INSR: variants seen among roughly 807,000 people sequenced by gnomAD.
INSR encodes the protein IR.
A neutral mutation model predicts 142.6 loss-of-function variants in INSR; 67 were observed. The observed-to-expected ratio is 0.47, with a 90% CI of 0.39 to 0.58. INSR has a LOEUF of 0.58. Ranked by LOEUF, INSR falls within the 20% of genes least tolerant of loss-of-function variation. The pLI, the probability that INSR is intolerant of heterozygous loss-of-function variation, is 0.00. For synonymous variants in INSR, 756 were observed against 743.1 expected, an observed-to-expected ratio of 1.02 and a Z score of -0.28; for missense variants, 1,248 against 1,833.2, an observed-to-expected ratio of 0.68 and a Z score of 5.83.
chr19:7,183,362 C>T (rs187145548), intron 3 of INSR, among the ~76,000 whole-genome samples: 4 of 151,938 alleles, frequency 2.6e-5, no homozygotes, highest in Non-Finnish European at 4.4e-5. Context: ...AACTCAGTTA[C>T]GGCCCCAAAA....
At chr19:7,163,944 A>AAAAAAAAAAAAAAC (rs1973825039) in intron 8 of INSR, among the ~76,000 whole-genome samples, 1 of 146,308 alleles carries the variant, frequency 6.8e-6, no homozygotes, top group African/African-American at 2.6e-5. Context: ...AAAAAAAAAA[A>AAAAAAAAAAAAAAC]AAAAATTAGC....
chr19:7,208,874 G>A (rs558855567), intron 2 of INSR, among the ~76,000 whole-genome samples: 90 of 152,094 alleles, frequency 5.9e-4, no homozygotes, highest in African/African-American at 2.1e-3. Flanking sequence ...ATGGTGGCGC[G>A]TGCCTGTAAT....
chr19:7,125,236 G>A lies in INSR; in HGVS notation c.3258+47C>T, dbSNP rs1376157989. 3 of 1,612,034 alleles carry A rather than the reference G, an allele frequency of 1.9e-6. No homozygotes were observed. Among genetic ancestry groups the A allele is most frequent in the African/African-American group, 1.3e-5 (1 of 74,942 alleles). ...GTGCAGGAGGAGGAGGCAGAGAAAG[G>A]GAAGGGTCAGGAAAGCCAGCCCATG... On this transcript the variant is annotated intron_variant, in intron 17 of 21. Coordinates refer to ENST00000302850, the MANE Select transcript of INSR (RefSeq NM_000208.4). The surrounding 1 kb of genome is among the most constrained non-coding windows in gnomAD (Gnocchi z 4.9).
intron 2 of INSR, among the ~76,000 whole-genome samples, chr19:7,202,808 G>T (rs1010935413): frequency 4.6e-5 from 7 of 151,980 alleles, no homozygotes; most frequent in Non-Finnish European, 1.0e-4. Context: ...GCCCTTTTCG[G>T]TTTTTTTGTT....
At chr19:7,286,302 C>T (rs1029820190) in intron 1 of INSR, among the ~76,000 whole-genome samples, 5 of 151,980 alleles carry the variant, frequency 3.3e-5, no homozygotes, top group African/African-American at 1.2e-4. Flanking sequence ...TACTAAACAT[C>T]AAAAAGATAC....
chr19:7,290,538 C>T (rs895283980), intron 1 of INSR, among the ~76,000 whole-genome samples: 5 of 152,122 alleles, frequency 3.3e-5, no homozygotes, highest in African/African-American at 7.2e-5. Context: ...TTTGGAAGGC[C>T]GAGGCAGGCA....
Position 7,264,150 on chromosome 19 carries a change from C to T in INSR, c.652+3195G>A, listed in dbSNP as rs546181425. Among the ~76,000 whole-genome samples, 23 of 131,950 alleles carry T rather than the reference C, an allele frequency of 1.7e-4. No homozygotes were observed. In the South Asian group the frequency reaches 4.8e-3, roughly 28 times the overall value. The allele number at this position is 131,950 out of a possible 152,430, so 86.6% of individuals were successfully genotyped here. On this transcript the variant is annotated intron_variant, in intron 2 of 21. Transcript: ENST00000302850. ...TGCCATTGCACTCCAGCCTGGGCAA[C>T]AAAAGCGAAACTCCATCTCAAAAAA...
chr19:7,153,199 A>ACACAC lies in INSR; in HGVS notation c.2030-277_2030-273dup, dbSNP rs1568449563. On this transcript the variant is annotated intron_variant, in intron 9 of 21. Transcript: ENST00000302850. Reference sequence around the variant, plus strand: ...ACAAACACACAACCACACACACACCACACACACCACACACCACACACACGC... The same window carrying ACACAC: ...ACAAACACACAACCACACACACACCACACACCACACACCACACACCACACACACGC... Among the ~76,000 whole-genome samples, 13 of 24,106 alleles carry ACACAC rather than the reference A, an allele frequency of 5.4e-4. 2 individuals carry two copies. The highest frequency in any genetic ancestry group is 1.9e-3 in the South Asian group (1 of 524). The allele number at this position is 24,106 out of a possible 152,430, so 15.8% of individuals were successfully genotyped here.
chr19:7,133,723 C>T (rs1972839786), intron 13 of INSR, among the ~76,000 whole-genome samples: 1 of 152,182 alleles, frequency 6.6e-6, no homozygotes, highest in African/African-American at 2.4e-5. Flanking sequence ...ATTAGCTGGG[C>T]ATGGCGGCAC....
intron 2 of INSR, among the ~76,000 whole-genome samples, chr19:7,210,384 A>C (rs2145071036): frequency 6.6e-6 from 1 of 151,164 alleles, no homozygotes; most frequent in Admixed American, 6.6e-5. Context: ...TCCTCTCCAT[A>C]AACAAATTAA....
Position 7,184,591 on chromosome 19 carries a change from G to A in INSR, c.699C>T (p.Leu233=). 1 of 1,613,466 alleles carries A rather than the reference G, an allele frequency of 6.2e-7. No individual in the cohort carries two copies. The highest frequency in any genetic ancestry group is 8.5e-7 in the Non-Finnish European group (1 of 1,180,012). The change falls in exon 3 of 22, where the codon CTC becomes CTT. Residue 233 remains leucine, a synonymous_variant. Transcript: ENST00000302850. ...CKSHGCTAEG[L]CCHSECLGNC... Reference sequence around the variant, plus strand: ...TGCCCAGGCACTCGCTGTGGCAACAGAGGCCTTCGGCGGTGCAGCCGTGTG... The same window carrying A: ...TGCCCAGGCACTCGCTGTGGCAACAAAGGCCTTCGGCGGTGCAGCCGTGTG...
chr19:7,201,536 A>G (rs1398688666), intron 2 of INSR, among the ~76,000 whole-genome samples: 1 of 151,018 alleles, frequency 6.6e-6, no homozygotes, highest in African/African-American at 2.4e-5. Context: ...GAGGCAGGAG[A>G]ATCGCTTGAA....
chr19:7,195,710 G>A (rs1974726286), intron 2 of INSR, among the ~76,000 whole-genome samples: 1 of 151,718 alleles, frequency 6.6e-6, no homozygotes, highest in Admixed American at 6.6e-5. Context: ...ACAGAAAACT[G>A]AGGAATTGTG....
rs1250679890 is a variant in INSR, at chr19:7,267,787, G to T, written c.210C>A (p.Pro70=). The T allele has an allele frequency of 6.2e-6, 10 of 1,614,084 alleles. No individual in the cohort carries two copies. The highest frequency in any genetic ancestry group is 1.3e-5 in the African/African-American group (1 of 75,016). ...LQILLMFKTR[P]EDFRDLSFPK... ...GGAAACTGAGGTCTCGGAAATCTTC[G>T]GGCCTCGTTTTGAACATCAAGAGTA... Residue 70 remains proline, a synonymous_variant, in exon 2 of 22, where the codon CCC becomes CCA. Coordinates refer to ENST00000302850, the MANE Select transcript of INSR (RefSeq NM_000208.4). This position sits in a 1 kb window ranked among gnomAD's most constrained non-coding sequence, Gnocchi z 6.3.
intron 15 of INSR, among the ~76,000 whole-genome samples, chr19:7,127,729 G>A (rs1414624493): frequency 2.0e-5 from 3 of 151,652 alleles, no homozygotes; most frequent in Non-Finnish European, 4.4e-5. Context: ...AGAAAGTGAT[G>A]AGAAAAATAT....
chr19:7,263,171 C>G (rs186025882), intron 2 of INSR, among the ~76,000 whole-genome samples: 2 of 151,656 alleles, frequency 1.3e-5, no homozygotes, highest in Admixed American at 1.3e-4. Flanking sequence ...CCCAGTCACT[C>G]GGAAGGCTGA....
chr19:7,138,080 C>T (rs1260008826), intron 13 of INSR, among the ~76,000 whole-genome samples: 1 of 151,488 alleles, frequency 6.6e-6, no homozygotes, highest in Non-Finnish European at 1.5e-5. Context: ...TCTCCTGCCT[C>T]AGCCTCCCAA....
At chr19:7,151,150 CT>C (rs1973333203) in intron 10 of INSR, among the ~76,000 whole-genome samples, 1 of 9,166 alleles carries the variant, frequency 1.1e-4, no homozygotes, top group Non-Finnish European at 7.8e-4. Context: ...TCTCTCTTTC[CT>C]TTCTTTCTTT....
chr19:7,133,993 T>C (rs764043614), intron 13 of INSR, among the ~76,000 whole-genome samples: 3 of 152,194 alleles, frequency 2.0e-5, no homozygotes, highest in Non-Finnish European at 2.9e-5. Context: ...AGAGATTATA[T>C]GGTTTGTCCG....
Sources: gnomAD v4.1 joint callset for allele counts (sites outside exome capture counted in the v4.1 genomes callset) on GRCh38, gnomAD v4.1.1 for gene constraint, Gnocchi (gnomAD v3.1) non-coding constraint, MANE v1.5 for transcripts, NCBI Gene and HGNC (gene_info 2026-07-23, HGNC 2026-07-21) for gene names.